Variants in RNF152 observed in about 807,000 individuals in gnomAD.
The protein encoded by RNF152 is E3 ubiquitin-protein ligase RNF152.
In RNF152, 11 loss-of-function variants were observed where a neutral mutation model predicts 12.7. That is an observed-to-expected ratio of 0.86 (90% CI 0.54 to 1.43). The LOEUF (loss-of-function observed/expected upper bound fraction) is 1.43. Ranked by LOEUF, RNF152 falls within the 40% of genes most tolerant of loss-of-function variation. The pLI is 0.00. For synonymous variants in RNF152, 113 were observed against 120.3 expected (o/e 0.94, Z 0.40); for missense variants, 255 against 274.8 (o/e 0.93, Z 0.51).
intron 1 of RNF152, among the ~76,000 whole-genome samples, chr18:61,891,645 C>T (rs1284742373): frequency 1.3e-5 from 2 of 152,210 alleles, no homozygotes; most frequent in African/African-American, 4.8e-5. Flanking sequence ...CTAGATAACT[C>T]AACTGCTTTT....
intron 1 of RNF152, among the ~76,000 whole-genome samples, chr18:61,873,747 T>G (rs2144742287): frequency 6.6e-6 from 1 of 152,336 alleles, no homozygotes; most frequent in African/African-American, 2.4e-5. Flanking sequence ...CAAAAGTCCG[T>G]TATGAACATC....
intron 1 of RNF152, among the ~76,000 whole-genome samples, chr18:61,872,572 T>A (rs1912039929): frequency 6.6e-6 from 1 of 152,108 alleles, no homozygotes. Flanking sequence ...CCAATTTTCA[T>A]GATATATTAT....
chr18:61,885,461 T>G (rs956032989), intron 1 of RNF152, among the ~76,000 whole-genome samples: 11 of 152,026 alleles, frequency 7.2e-5, no homozygotes, highest in African/African-American at 2.7e-4. Flanking sequence ...GTGCACACCA[T>G]CATGCTTGGA....
At chr18:61,826,210 C>G (rs1909659880) in intron 1 of RNF152, among the ~76,000 whole-genome samples, 1 of 152,162 alleles carries the variant, frequency 6.6e-6, no homozygotes, top group South Asian at 2.1e-4. Flanking sequence ...GTGGGGCATC[C>G]CTTACCTGAC....
chr18:61,871,210 C>A (rs1471100339), intron 1 of RNF152, among the ~76,000 whole-genome samples: 1 of 147,834 alleles, frequency 6.8e-6, no homozygotes, highest in Admixed American at 6.7e-5. Flanking sequence ...CACCTCCCCC[C>A]ACCCCAAAAA....
chr18:61,851,541 C>T (rs1249235544), intron 1 of RNF152, among the ~76,000 whole-genome samples: 1 of 152,130 alleles, frequency 6.6e-6, no homozygotes, highest in Non-Finnish European at 1.5e-5. Context: ...CTTATTTGCC[C>T]ATTTTCTACA....
At chr18:61,877,223 G>A (rs1348411352) in intron 1 of RNF152, among the ~76,000 whole-genome samples, 4 of 152,284 alleles carry the variant, frequency 2.6e-5, no homozygotes, top group South Asian at 2.1e-4. Flanking sequence ...GGGGTTCTGC[G>A]TAGACACAAT....
At chr18:61,850,563 G>A (rs576970832) in intron 1 of RNF152, among the ~76,000 whole-genome samples, 11 of 152,240 alleles carry the variant, frequency 7.2e-5, no homozygotes, top group African/African-American at 2.6e-4. Context: ...TCAAGTTACT[G>A]AGAGGCAGAC....
chr18:61,850,847 G>A (rs1910938308), intron 1 of RNF152, among the ~76,000 whole-genome samples: 2 of 152,154 alleles, frequency 1.3e-5, no homozygotes, highest in Non-Finnish European at 2.9e-5. Flanking sequence ...CCCTTAGGCT[G>A]TGAGGTACAC....
intron 1 of RNF152, among the ~76,000 whole-genome samples, chr18:61,879,296 T>A (rs1169102250): frequency 7.2e-6 from 1 of 139,104 alleles, no homozygotes; most frequent in Non-Finnish European, 1.7e-5. Context: ...TACATTTGCA[T>A]AGCATTTACA....
intron 1 of RNF152, among the ~76,000 whole-genome samples, chr18:61,883,310 T>C (rs1445452283): frequency 2.0e-5 from 3 of 152,240 alleles, no homozygotes; most frequent in African/African-American, 7.2e-5. Flanking sequence ...AAGAAGAATT[T>C]CTAAAAGGTT....
chr18:61,828,295 T>C (rs6567245), intron 1 of RNF152, among the ~76,000 whole-genome samples: 82,033 of 151,978 alleles, frequency 0.54, 22,626 homozygotes, highest in Non-Finnish European at 0.59. Flanking sequence ...CAAGCTAGTA[T>C]GGTGACTATT....
At position 61,810,391 on chromosome 18, in the gene RNF152, A is replaced by G. The variant is rs1171436608; in HGVS notation, c.*5461T>C. The G allele has an allele frequency of 1.3e-5, 2 of 152,188 alleles. No individual in the cohort carries two copies. Among genetic ancestry groups the G allele is most frequent in the African/African-American group, 4.8e-5 (2 of 41,444 alleles). The allele number at this position is 152,188 out of a possible 1,614,324, so 9.4% of individuals were successfully genotyped here. On this transcript the variant is annotated 3_prime_UTR_variant, in exon 2 of 2. Coordinates refer to ENST00000312828, the MANE Select transcript of RNF152 (RefSeq NM_173557.3). Reference sequence around the variant, plus strand: ...CTGGGTGCAGTGGCCCATGCCTGTAATCCCAGCACTTTGGGAGGCCGAGGC... The same window carrying G: ...CTGGGTGCAGTGGCCCATGCCTGTAGTCCCAGCACTTTGGGAGGCCGAGGC...
intron 1 of RNF152, among the ~76,000 whole-genome samples, chr18:61,874,692 A>G (rs1912138301): frequency 6.6e-6 from 1 of 152,200 alleles, no homozygotes; most frequent in Non-Finnish European, 1.5e-5. Context: ...AGTAGTTTTA[A>G]GCTGTGGCTT....
At chr18:61,822,292 C>A (rs1320829024) in intron 1 of RNF152, among the ~76,000 whole-genome samples, 1 of 152,016 alleles carries the variant, frequency 6.6e-6, no homozygotes, top group Admixed American at 6.6e-5. Flanking sequence ...TACATAGTTA[C>A]ATAAATAATA....
At chr18:61,817,573 T>G (rs1204229489) in intron 1 of RNF152, among the ~76,000 whole-genome samples, 1 of 152,156 alleles carries the variant, frequency 6.6e-6, no homozygotes, top group Non-Finnish European at 1.5e-5. Context: ...ATTCTTGGGT[T>G]TTATAGCACC....
chr18:61,858,196 T>G (rs542955275), intron 1 of RNF152, among the ~76,000 whole-genome samples: 1 of 152,318 alleles, frequency 6.6e-6, no homozygotes, highest in African/African-American at 2.4e-5. Flanking sequence ...CCACTGACTG[T>G]GGGCTCGGCT....
rs56397865 is a variant in RNF152, at chr18:61,809,856, G to GAAAAAAAA, written c.*5988_*5995dup. On this transcript the variant is annotated 3_prime_UTR_variant, in exon 2 of 2. Coordinates refer to ENST00000312828, the MANE Select transcript of RNF152 (RefSeq NM_173557.3). ...TGGGATACCCCAGGCAGTGAATCCT[G>GAAAAAAAA]AAAAAAAAAAAAAAAAAAAAAGTCA... The GAAAAAAAA allele has an allele frequency of 3.0e-5, 3 of 100,842 alleles. 1 individual carries two copies. Among genetic ancestry groups the GAAAAAAAA allele is most frequent in the African/African-American group, 3.7e-5 (1 of 27,048 alleles). The allele number at this position is 100,842 out of a possible 1,614,324, so 6.2% of individuals were successfully genotyped here. A position where few individuals can be genotyped will look rare whatever the true frequency, so the allele number is the denominator to read the frequency against.
chr18:61,811,343 C>G lies in RNF152; in HGVS notation c.*4509G>C, dbSNP rs1184139713. ...ATATCTCAAACTGAATTTTCTGCTT[C>G]CTTTTATTTAGCTAAAAAGTAATTA... On this transcript the variant is annotated 3_prime_UTR_variant, in exon 2 of 2. Coordinates refer to ENST00000312828, the MANE Select transcript of RNF152 (RefSeq NM_173557.3). 1 of 152,092 alleles carries G rather than the reference C, an allele frequency of 6.6e-6. No individual in the cohort carries two copies. 9.4% of individuals were successfully genotyped at this position (152,092 alleles called of 1,614,324 possible).
Sources: gnomAD v4.1 joint callset for allele counts (sites outside exome capture counted in the v4.1 genomes callset) on GRCh38, gnomAD v4.1.1 for gene constraint, MANE v1.5 for transcripts, NCBI Gene and HGNC (gene_info 2026-07-23, HGNC 2026-07-21) for gene names.